The following NRXN3 variants were observed in gnomAD, a reference collection of about 807,000 sequenced individuals.
The protein encoded by NRXN3 is neurexin III.
Under a neutral mutation model 137.6 loss-of-function variants are expected in NRXN3, and 32 were observed. The ratio of observed to expected loss-of-function variants is 0.23; its 90% confidence interval spans 0.18 to 0.31. The LOEUF is 0.31. Ranked by LOEUF, NRXN3 falls within the 10% of genes least tolerant of loss-of-function variation. NRXN3 has a pLI of 1.00. For missense variants in NRXN3, 1,574 were observed against 2,062.5 expected (o/e 0.76, Z 4.59); for synonymous variants, 798 against 784.5 (o/e 1.02, Z -0.29).
At chr14:78,844,901 T>C (rs1211512908) in intron 10 of NRXN3, among the ~76,000 whole-genome samples, 1 of 152,118 alleles carries the variant, frequency 6.6e-6, no homozygotes, top group Non-Finnish European at 1.5e-5. Context: ...CATTATTTGT[T>C]GGCCATGCCT....
In NRXN3 at chr14:78,564,762, A is replaced by T. The variant is rs79985721; in HGVS notation, c.758-80358A>T. On this transcript the variant is annotated intron_variant, in intron 4 of 20. Coordinates refer to ENST00000335750, the MANE Select transcript of NRXN3 (RefSeq NM_001330195.2). Reference sequence around the variant, plus strand: ...GCCGCCATGGTAGGTTTTGCCTATCATCCCAAACCTTGTGCAGGCCTACCA... The same window carrying T: ...GCCGCCATGGTAGGTTTTGCCTATCTTCCCAAACCTTGTGCAGGCCTACCA... Among the ~76,000 whole-genome samples, 693 of 152,214 alleles carry T rather than the reference A, an allele frequency of 4.6e-3. 19 individuals are homozygous for T. The East Asian group carries it at 0.093, about 20-fold the overall frequency.
chr14:79,265,688 G>A (rs1032645698), intron 15 of NRXN3, among the ~76,000 whole-genome samples: 2 of 151,848 alleles, frequency 1.3e-5, no homozygotes, highest in Non-Finnish European at 2.9e-5. Context: ...TCTGTACACC[G>A]ACAAGGTATA....
intron 4 of NRXN3, among the ~76,000 whole-genome samples, chr14:78,436,682 T>C (rs1233938732): frequency 1.3e-5 from 2 of 152,268 alleles, no homozygotes; most frequent in Non-Finnish European, 2.9e-5. Flanking sequence ...TATTTAAATG[T>C]AGACAGGCAC....
intron 4 of NRXN3, among the ~76,000 whole-genome samples, chr14:78,341,873 CCTT>C (rs2082180348): frequency 6.6e-6 from 1 of 152,168 alleles, no homozygotes; most frequent in African/African-American, 2.4e-5. Context: ...ATTTAGGATC[CCTT>C]CTTGAGGGGA....
intron 16 of NRXN3, among the ~76,000 whole-genome samples, chr14:79,538,169 T>C (rs528498883): frequency 6.6e-6 from 1 of 152,316 alleles, no homozygotes; most frequent in East Asian, 1.9e-4. Context: ...TTTGTTTGAG[T>C]TCATTGTAGA....
At chr14:79,606,350 A>C (rs770806493) in intron 16 of NRXN3, among the ~76,000 whole-genome samples, 5 of 152,256 alleles carry the variant, frequency 3.3e-5, no homozygotes, top group Non-Finnish European at 5.9e-5. Flanking sequence ...AGTAATTTCT[A>C]GTTAGAAGTG....
In NRXN3 at chr14:79,324,371, A is replaced by C. The variant is rs142192583; in HGVS notation, c.3263-142850A>C. Among the ~76,000 whole-genome samples the C allele has an allele frequency of 6.7e-3, 1,022 of 152,342 alleles. 10 individuals carry two copies. Among genetic ancestry groups the C allele is most frequent in the African/African-American group, 0.024 (987 of 41,570 alleles). Reference sequence around the variant, plus strand: ...AAGCAAGAACTCTATCATAATAATCACCAAATATCAATTAATCAGAAGGAA... The same window carrying C: ...AAGCAAGAACTCTATCATAATAATCCCCAAATATCAATTAATCAGAAGGAA... On this transcript the variant is annotated intron_variant, in intron 15 of 20. Transcript: ENST00000335750.
chr14:78,518,726 TG>T (rs1027109892), intron 4 of NRXN3, among the ~76,000 whole-genome samples: 18 of 152,258 alleles, frequency 1.2e-4, no homozygotes, highest in African/African-American at 4.1e-4. Context: ...TGCTATAAAA[TG>T]GTGAGATCAT....
intron 8 of NRXN3, among the ~76,000 whole-genome samples, chr14:78,800,544 A>G (rs928096824): frequency 6.6e-6 from 1 of 152,194 alleles, no homozygotes; most frequent in Non-Finnish European, 1.5e-5. Flanking sequence ...GGTGTTTGCA[A>G]CTGTCACACT....
At chr14:79,856,408 T>C (rs1485042479) in intron 20 of NRXN3, among the ~76,000 whole-genome samples, 3 of 152,162 alleles carry the variant, frequency 2.0e-5, no homozygotes, top group African/African-American at 7.2e-5. Context: ...CCCCTTATCA[T>C]GTGAATTTTC....
chr14:79,748,217 G>C (rs1031331275), intron 19 of NRXN3, among the ~76,000 whole-genome samples: 1 of 151,660 alleles, frequency 6.6e-6, no homozygotes, highest in South Asian at 2.1e-4. Context: ...GTCAAAAAAA[G>C]CTAAAAGCAA....
chr14:79,238,939 A>T (rs920377457), intron 15 of NRXN3, among the ~76,000 whole-genome samples: 1 of 152,144 alleles, frequency 6.6e-6, no homozygotes, highest in African/African-American at 2.4e-5. Flanking sequence ...GATATCCCAT[A>T]TCCAGTCCAG....
rs142066155 is a variant in NRXN3 at position 79,241,928 on chromosome 14, G to A, written c.3263-225293G>A. On this transcript the variant is annotated intron_variant, in intron 15 of 20. Coordinates refer to ENST00000335750, the MANE Select transcript of NRXN3 (RefSeq NM_001330195.2). Reference sequence around the variant, plus strand: ...CTAAAAATACAAAAATTATCCAGGCGTGGTGGCAGGTGACTATAATCCCAG... The same window carrying A: ...CTAAAAATACAAAAATTATCCAGGCATGGTGGCAGGTGACTATAATCCCAG... Among the ~76,000 whole-genome samples the A allele has an allele frequency of 1.8e-3, 273 of 152,050 alleles. 2 individuals carry two copies. Among genetic ancestry groups the A allele is most frequent in the African/African-American group, 6.0e-3 (250 of 41,500 alleles).
At position 79,701,767 on chromosome 14, in the gene NRXN3, T is replaced by C. The variant is rs1003901608; in HGVS notation, c.4014+3830T>C. Among the ~76,000 whole-genome samples the C allele has an allele frequency of 8.6e-5, 13 of 151,968 alleles. 1 individual carries two copies. The highest frequency in any genetic ancestry group is 1.6e-4 in the Non-Finnish European group (11 of 67,982). ...TCAATAGGAGGAGGAGTAGCAATAATTTGCAACCAACCTAAGTCTACCACA... is the reference window on the plus strand; with the variant it reads ...TCAATAGGAGGAGGAGTAGCAATAACTTGCAACCAACCTAAGTCTACCACA... On this transcript the variant is annotated intron_variant, in intron 19 of 20. Coordinates refer to ENST00000335750, the MANE Select transcript of NRXN3 (RefSeq NM_001330195.2).
chr14:79,316,448 C>T (rs1243483140), intron 15 of NRXN3, among the ~76,000 whole-genome samples: 1 of 152,144 alleles, frequency 6.6e-6, no homozygotes, highest in Non-Finnish European at 1.5e-5. Flanking sequence ...ATGAAAATGA[C>T]TCAGGTCCCC....
chr14:79,131,950 G>A (rs1022154307), intron 15 of NRXN3, among the ~76,000 whole-genome samples: 4 of 152,216 alleles, frequency 2.6e-5, no homozygotes, highest in Non-Finnish European at 5.9e-5. Flanking sequence ...TCCAGGTGCT[G>A]TCTGTCACCC....
chr14:78,602,164 C>T (rs2097206958), intron 4 of NRXN3, among the ~76,000 whole-genome samples: 1 of 152,058 alleles, frequency 6.6e-6, no homozygotes, highest in South Asian at 2.1e-4. Context: ...GATTAATTCT[C>T]CAGAAATCAC....
intron 19 of NRXN3, among the ~76,000 whole-genome samples, chr14:79,713,932 T>C (rs2154054949): frequency 6.6e-6 from 1 of 152,274 alleles, no homozygotes; most frequent in East Asian, 1.9e-4. Context: ...ATTTTTATGC[T>C]ACAAAATGTC....
chr14:79,285,047 G>C (rs1354512400), intron 15 of NRXN3, among the ~76,000 whole-genome samples: 2 of 152,078 alleles, frequency 1.3e-5, no homozygotes, highest in African/African-American at 4.8e-5. Flanking sequence ...ACTTGTTCTT[G>C]AGAGACCACC....
Sources: allele counts gnomAD v4.1 joint callset (sites outside exome capture counted in the v4.1 genomes callset), GRCh38; gene constraint gnomAD v4.1.1; transcripts MANE v1.5; gene names NCBI Gene and HGNC (gene_info 2026-07-23, HGNC 2026-07-21).